The following FAM171A1 variants were observed in gnomAD, a reference collection of about 807,000 sequenced individuals.
FAM171A1 encodes protein FAM171A1.
A neutral mutation model predicts 74.9 loss-of-function variants in FAM171A1; 23 were observed. The ratio of observed to expected loss-of-function variants is 0.31; its 90% confidence interval spans 0.22 to 0.44. The LOEUF (loss-of-function observed/expected upper bound fraction) is 0.44. Ranked by LOEUF, FAM171A1 falls within the 20% of genes least tolerant of loss-of-function variation. The pLI, the probability that FAM171A1 is intolerant of heterozygous loss-of-function variation, is 1.00. For missense variants in FAM171A1, 1,162 were observed against 1,159.2 expected, an observed-to-expected ratio of 1.00 and a Z score of -0.03; for synonymous variants, 527 against 505.7, an observed-to-expected ratio of 1.04 and a Z score of -0.57.
At chr10:15,279,443 C>T (rs1019786703) in intron 2 of FAM171A1, among the ~76,000 whole-genome samples, 4 of 152,026 alleles carry the variant, frequency 2.6e-5, no homozygotes, top group Admixed American at 6.5e-5. Context: ...GACGGAGATC[C>T]GTGGGTAGTG....
At chr10:15,279,586 T>C (rs1834940339) in intron 2 of FAM171A1, among the ~76,000 whole-genome samples, 1 of 152,118 alleles carries the variant, frequency 6.6e-6, no homozygotes, top group Non-Finnish European at 1.5e-5. Flanking sequence ...AGGAAGATTT[T>C]TTGACGCAGA....
chr10:15,257,986 AAT>A (rs1423405577), intron 3 of FAM171A1, among the ~76,000 whole-genome samples: 1 of 152,118 alleles, frequency 6.6e-6, no homozygotes, highest in East Asian at 1.9e-4. Flanking sequence ...CCATCCCCAA[AAT>A]ACTCAGACCC....
chr10:15,273,760 A>G (rs1488644426), intron 3 of FAM171A1, among the ~76,000 whole-genome samples: 1 of 152,230 alleles, frequency 6.6e-6, no homozygotes, highest in African/African-American at 2.4e-5. Context: ...AATCCATCAC[A>G]TAAACAGAAC....
At chr10:15,258,698 G>A (rs900002739) in intron 3 of FAM171A1, among the ~76,000 whole-genome samples, 6 of 152,036 alleles carry the variant, frequency 3.9e-5, no homozygotes, top group Admixed American at 1.3e-4. Context: ...CATCCTCGTC[G>A]ACCTCTTCAC....
At chr10:15,315,344 C>T (rs1421912606) in intron 1 of FAM171A1, among the ~76,000 whole-genome samples, 3 of 152,132 alleles carry the variant, frequency 2.0e-5, no homozygotes, top group Non-Finnish European at 4.4e-5. Context: ...GTATTAACAT[C>T]GAAAACACCG....
chr10:15,370,620 G>A (rs1460547089), intron 1 of FAM171A1, among the ~76,000 whole-genome samples: 4 of 151,886 alleles, frequency 2.6e-5, no homozygotes, highest in Admixed American at 6.6e-5. Flanking sequence ...AGACAGAGCC[G>A]CGTGTCCGAG....
intron 3 of FAM171A1, among the ~76,000 whole-genome samples, chr10:15,258,981 T>C (rs1834621828): frequency 6.6e-6 from 1 of 152,192 alleles, no homozygotes; most frequent in South Asian, 2.1e-4. Flanking sequence ...CTAAGCTCCA[T>C]GCCTGGATTT....
At chr10:15,294,376 T>C (rs1835136895) in intron 1 of FAM171A1, among the ~76,000 whole-genome samples, 1 of 152,188 alleles carries the variant, frequency 6.6e-6, no homozygotes, top group African/African-American at 2.4e-5. Context: ...CCCAAGGTCG[T>C]GGACCCCGGG....
At chr10:15,256,275 G>A (rs1220245863) in intron 3 of FAM171A1, among the ~76,000 whole-genome samples, 1 of 152,132 alleles carries the variant, frequency 6.6e-6, no homozygotes, top group Non-Finnish European at 1.5e-5. Flanking sequence ...CTAGAAAAAG[G>A]GAGTTTTAGA....
intron 1 of FAM171A1, among the ~76,000 whole-genome samples, chr10:15,337,846 GAGGCTGAGGC>G (rs1428912073): frequency 6.6e-6 from 1 of 152,148 alleles, no homozygotes. Flanking sequence ...AGCTACTAGG[GAGGCTGAGGC>G]AGGAGAATCA....
rs542736549 is a variant in FAM171A1 at position 15,246,562 on chromosome 10, T to C, written c.754+2077A>G. ...TTTTCGAGACAGTCTTGCTCTGTCATCCAGGCTGGAGTGCAGTGATGCGAT... is the reference window on the plus strand; with the variant it reads ...TTTTCGAGACAGTCTTGCTCTGTCACCCAGGCTGGAGTGCAGTGATGCGAT... On this transcript the variant is annotated intron_variant, in intron 5 of 7. Coordinates refer to ENST00000378116, the MANE Select transcript of FAM171A1 (RefSeq NM_001010924.2). Among the ~76,000 whole-genome samples the C allele has an allele frequency of 3.8e-4, 58 of 152,302 alleles. No individual in the cohort carries two copies. In the South Asian group the frequency reaches 0.012, roughly 32 times the overall value.
chr10:15,345,828 A>G (rs1453502519), intron 1 of FAM171A1, among the ~76,000 whole-genome samples: 5 of 152,168 alleles, frequency 3.3e-5, no homozygotes, highest in African/African-American at 1.2e-4. Flanking sequence ...TCAGCCACAT[A>G]AGGAAAGCCT....
chr10:15,277,262 G>A (rs981951287), intron 2 of FAM171A1, among the ~76,000 whole-genome samples: 10 of 152,178 alleles, frequency 6.6e-5, no homozygotes, highest in African/African-American at 2.4e-4. Flanking sequence ...TTGTTGCCCA[G>A]GCTGGAGTGC....
chr10:15,283,435 C>T (rs1370490828), intron 2 of FAM171A1, among the ~76,000 whole-genome samples: 3 of 152,144 alleles, frequency 2.0e-5, no homozygotes, highest in Non-Finnish European at 4.4e-5. Flanking sequence ...ATCCACTTTC[C>T]ATAGATCAAA....
intron 3 of FAM171A1, among the ~76,000 whole-genome samples, chr10:15,258,848 A>G (rs551591571): frequency 1.3e-5 from 2 of 152,136 alleles, no homozygotes; most frequent in East Asian, 3.9e-4. Context: ...TCTGGATGAA[A>G]CAGCTCCCAG....
At chr10:15,257,273 T>C (rs1047682070) in intron 3 of FAM171A1, among the ~76,000 whole-genome samples, 2 of 151,992 alleles carry the variant, frequency 1.3e-5, no homozygotes. Context: ...CAGAGACCTG[T>C]GTGAGGGCAG....
chr10:15,222,378 C>T (rs544295808), intron 5 of FAM171A1, among the ~76,000 whole-genome samples: 153 of 152,292 alleles, frequency 1.0e-3, no homozygotes, highest in Non-Finnish European at 1.6e-3. Flanking sequence ...CTGGGCCACA[C>T]GGTCTAACCC....
At chr10:15,367,131 G>A (rs1467399458) in intron 1 of FAM171A1, among the ~76,000 whole-genome samples, 1 of 152,112 alleles carries the variant, frequency 6.6e-6, no homozygotes, top group African/African-American at 2.4e-5. Flanking sequence ...CCTGGGAGGC[G>A]GAGCTTGCAG....
intron 6 of FAM171A1, among the ~76,000 whole-genome samples, chr10:15,216,411 A>C (rs1255066310): frequency 6.6e-6 from 1 of 152,230 alleles, no homozygotes; most frequent in Non-Finnish European, 1.5e-5. Flanking sequence ...CATGTGCCGC[A>C]TTTGAAATAC....
Sources: gnomAD v4.1 joint callset for allele counts (sites outside exome capture counted in the v4.1 genomes callset) on GRCh38, gnomAD v4.1.1 for gene constraint, MANE v1.5 for transcripts, NCBI Gene and HGNC (gene_info 2026-07-23, HGNC 2026-07-21) for gene names.